Variants in DCBLD1 observed in about 807,000 individuals in gnomAD.
DCBLD1 encodes the protein discoidin, CUB and LCCL domain-containing protein 1.
A neutral mutation model predicts 71.5 loss-of-function variants in DCBLD1; 57 were observed. The observed-to-expected ratio is 0.80, with a 90% CI of 0.64 to 0.99. The LOEUF is 0.99. Ranked by LOEUF, DCBLD1 falls within the 50% of genes least tolerant of loss-of-function variation. DCBLD1 has a pLI of 0.00. For synonymous variants in DCBLD1, 380 were observed against 363.8 expected, an observed-to-expected ratio of 1.04 and a Z score of -0.51; for missense variants, 891 against 923.5, an observed-to-expected ratio of 0.96 and a Z score of 0.46.
downstream of DCBLD1, among the ~76,000 whole-genome samples, chr6:117,550,004 C>T (rs570410486): frequency 1.3e-4 from 20 of 152,296 alleles, no homozygotes; most frequent in African/African-American, 2.4e-4. Flanking sequence ...ATGGTGTTGT[C>T]GTGCTTTCTT....
intron 2 of DCBLD1, among the ~76,000 whole-genome samples, chr6:117,512,543 A>G (rs1456360698): frequency 6.6e-6 from 1 of 152,130 alleles, no homozygotes; most frequent in Non-Finnish European, 1.5e-5. Flanking sequence ...CACAAATCTA[A>G]TGGTGTTTGC....
intron 2 of DCBLD1, among the ~76,000 whole-genome samples, chr6:117,518,098 C>T (rs888382304): frequency 3.0e-4 from 45 of 152,160 alleles, no homozygotes; most frequent in African/African-American, 1.1e-3. Flanking sequence ...AAACTGAATG[C>T]CTTTAACAGT....
chr6:117,540,984 A>T lies in DCBLD1; in HGVS notation c.1316A>T (p.Glu439Val), dbSNP rs776026607. ...AGTGTTTCAACTAAGAAAGAAGATG[A>T]GACAATCACAAGGCCCATCCCCTCG... The part of the protein sequence containing the change: ...STSVSTKKED[E>V]TITRPIPSEE... Residue 439 changes from glutamate (E) to valine (V), a missense_variant, in exon 11 of 15, where the codon GAG (glutamate) becomes GTG (valine). Glu to Val is a moderately radical substitution (Grantham distance 121). Transcript: ENST00000338728. The T allele has an allele frequency of 6.2e-7, 1 of 1,614,198 alleles. No homozygotes were observed. The highest frequency in any genetic ancestry group is 1.1e-5 in the South Asian group (1 of 91,084).
At chr6:117,565,985 C>G (rs1779688725) in intron 14 of DCBLD1, among the ~76,000 whole-genome samples, 1 of 152,100 alleles carries the variant, frequency 6.6e-6, no homozygotes, top group African/African-American at 2.4e-5. Flanking sequence ...AAGACAGGTA[C>G]TCAAAGGTCA....
intron 14 of DCBLD1, among the ~76,000 whole-genome samples, chr6:117,559,799 C>CA (rs201107381): frequency 5.9e-4 from 89 of 150,784 alleles, no homozygotes; most frequent in Non-Finnish European, 8.9e-4. Context: ...ATAAACTGAC[C>CA]AAAAAAAAAT....
At chr6:117,525,081 T>C (rs1778506684) in intron 4 of DCBLD1, among the ~76,000 whole-genome samples, 2 of 152,256 alleles carry the variant, frequency 1.3e-5, no homozygotes, top group Admixed American at 6.5e-5. Context: ...CTGAAAAATA[T>C]TTATTGGAAG....
At chr6:117,550,683 A>G (rs1365164004), downstream of DCBLD1, among the ~76,000 whole-genome samples, 1 of 152,244 alleles carries the variant, frequency 6.6e-6, no homozygotes, top group Non-Finnish European at 1.5e-5. Flanking sequence ...GATTCTTAAC[A>G]TGAAATCACA....
intron 2 of DCBLD1, among the ~76,000 whole-genome samples, chr6:117,506,594 A>C (rs1777851277): frequency 6.6e-6 from 1 of 152,224 alleles, no homozygotes; most frequent in Admixed American, 6.5e-5. Context: ...GGTCTGTTTG[A>C]ACATCCTCCA....
intron 4 of DCBLD1, among the ~76,000 whole-genome samples, chr6:117,524,501 G>C (rs1778484976): frequency 6.6e-6 from 1 of 152,114 alleles, no homozygotes; most frequent in Admixed American, 6.6e-5. Context: ...ACTGTGTCCG[G>C]CCTTGGAATC....
intron 14 of DCBLD1, chr6:117,562,843 AT>A (rs1369915463): frequency 4.6e-6 from 1 of 215,680 alleles, no homozygotes; most frequent in Non-Finnish European, 9.3e-6. Flanking sequence ...CACAGTTAAC[AT>A]TCTAGAATAT....
At chr6:117,523,292 A>C (rs1778443520) in intron 4 of DCBLD1, among the ~76,000 whole-genome samples, 1 of 152,218 alleles carries the variant, frequency 6.6e-6, no homozygotes, top group South Asian at 2.1e-4. Flanking sequence ...ATACAGGTCC[A>C]CAAGCCCTCA....
intron 1 of DCBLD1, among the ~76,000 whole-genome samples, chr6:117,490,321 T>C (rs1777248125): frequency 1.3e-5 from 2 of 151,958 alleles, no homozygotes; most frequent in Admixed American, 1.3e-4. Context: ...ATTGAAAGTT[T>C]TTTATTACTT....
chr6:117,484,267 T>C (rs569495419), intron 1 of DCBLD1, among the ~76,000 whole-genome samples: 1 of 152,366 alleles, frequency 6.6e-6, no homozygotes, highest in Non-Finnish European at 1.5e-5. Flanking sequence ...TGTATGGTCA[T>C]CCAGGCTGTT....
At chr6:117,509,350 T>G (rs1777939618) in intron 2 of DCBLD1, among the ~76,000 whole-genome samples, 1 of 152,146 alleles carries the variant, frequency 6.6e-6, no homozygotes, top group Non-Finnish European at 1.5e-5. Context: ...GAGGATCACT[T>G]GAATTCAGAT....
At chr6:117,557,025 ATC>A (rs540590440) in intron 14 of DCBLD1, among the ~76,000 whole-genome samples, 38 of 151,712 alleles carry the variant, frequency 2.5e-4, no homozygotes, top group Admixed American at 7.9e-4. Context: ...CTTTTGAAAA[ATC>A]TCTGTTTTTT....
intron 1 of DCBLD1, among the ~76,000 whole-genome samples, chr6:117,499,538 T>A (rs998618555): frequency 1.3e-5 from 2 of 152,218 alleles, no homozygotes; most frequent in Non-Finnish European, 2.9e-5. Context: ...ATTGACATTA[T>A]TTTTTCAATT....
intron 9 of DCBLD1, 70 bp downstream of exon 9, chr6:117,539,449 T>C (rs1779016034): frequency 2.7e-6 from 4 of 1,474,686 alleles, no homozygotes; most frequent in Non-Finnish European, 3.6e-6. Flanking sequence ...CATCAATGTG[T>C]TTACATTAAA....
rs1438966160 is a variant in DCBLD1, at chr6:117,548,420, C to T, written c.2129C>T (p.Ala710Val). 1 of 1,550,662 alleles carries T rather than the reference C, an allele frequency of 6.4e-7. No homozygotes were observed. The highest frequency in any genetic ancestry group is 8.7e-7 in the Non-Finnish European group (1 of 1,147,006). The change falls in exon 15 of 15, where the codon GCC (alanine) becomes GTC (valine). Residue 710 changes from alanine to valine, a missense_variant. Ala to Val is a moderately conservative substitution (Grantham distance 64). Coordinates refer to ENST00000338728, the MANE Select transcript of DCBLD1 (RefSeq NM_001366458.2). ...RDCLTPLNQT[A>V]MTALL Reference sequence around the variant, plus strand: ...TGCCTCACACCCCTCAACCAGACGGCCATGACTGCCCTTTTGTGAACACAA... The same window carrying T: ...TGCCTCACACCCCTCAACCAGACGGTCATGACTGCCCTTTTGTGAACACAA...
At chr6:117,566,788 G>C (rs1779705377) in intron 14 of DCBLD1, 2 of 989,024 alleles carry the variant, frequency 2.0e-6, no homozygotes, top group African/African-American at 3.3e-5. Context: ...AAATTCTGAG[G>C]CCTTCACATT....
Sources: allele counts gnomAD v4.1 joint callset (sites outside exome capture counted in the v4.1 genomes callset), GRCh38; gene constraint gnomAD v4.1.1; transcripts MANE v1.5; gene names NCBI Gene and HGNC (gene_info 2026-07-23, HGNC 2026-07-21).